The following BLOC1S1 variants were observed in gnomAD, a reference collection of about 807,000 sequenced individuals.
BLOC1S1 encodes biogenesis of lysosomal organelles complex 1 subunit 1.
A neutral mutation model predicts 19.0 loss-of-function variants in BLOC1S1; 11 were observed. That is an observed-to-expected ratio of 0.58 (90% confidence interval 0.37 to 0.96). The LOEUF (loss-of-function observed/expected upper bound fraction) is 0.96, where lower values mean the gene tolerates loss of function less well. BLOC1S1 is among the 40% of genes least tolerant of loss of function. BLOC1S1 has a pLI of 0.01. For missense variants in BLOC1S1, 220 were observed against 195.9 expected (o/e 1.12, Z -0.73); for synonymous variants, 94 against 76.4 (o/e 1.23, Z -1.20).
chr12:55,716,751 C>T, intron 1 of BLOC1S1, 182 bp from the exon 2 acceptor site: 1 of 1,268,540 alleles, frequency 7.9e-7, no homozygotes, highest in Non-Finnish European at 1.0e-6. Context: ...TACCAGTTTC[C>T]TCATCTCTAA....
Position 55,719,023 on chromosome 12 carries a change from G to A in BLOC1S1, c.219-68G>A, listed in dbSNP as rs2136136435. The A allele has an allele frequency of 1.0e-5, 16 of 1,553,626 alleles. 1 individual carries two copies. The South Asian group carries it at 1.8e-4, about 17-fold the overall frequency. The stretch of plus-strand genomic sequence containing the variant: ...TTGGCTGAACTCCCACTGCTGCAAT[G>A]GAATATTAGTCCCGGAGACCACCCC... On this transcript the variant is annotated intron_variant, in intron 2 of 3. Coordinates refer to ENST00000548925, the MANE Select transcript of BLOC1S1 (RefSeq NM_001487.4).
intron 1 of BLOC1S1, 190 bp from the exon 2 acceptor site, chr12:55,716,743 C>T: frequency 1.6e-6 from 2 of 1,267,068 alleles, no homozygotes; most frequent in Admixed American, 4.1e-5. Context: ...TCCCAGGGTA[C>T]CAGTTTCCTC....
chr12:55,716,204 A>G lies in BLOC1S1; in HGVS notation c.145+8A>G. 1.9e-6 allele frequency: 3 copies of G among 1,604,444 alleles called. No individual in the cohort carries two copies. The highest frequency in any genetic ancestry group is 1.1e-5 in the South Asian group (1 of 89,734). ...AACGCAAGGAGCTGCAGGGTGAGCC[A>G]AATATCCTGTCGGCCGTTTTCTCTT... On this transcript the variant is annotated splice_region_variant and intron_variant, in intron 1 of 3. Transcript: ENST00000548925.
Position 55,716,077 on chromosome 12 carries a change from G to A in BLOC1S1, c.26G>A (p.Arg9His), listed in dbSNP as rs535924264. The A allele has an allele frequency of 5.2e-5, 82 of 1,574,668 alleles. No individual in the cohort carries two copies. The highest frequency in any genetic ancestry group is 7.5e-5 in the Admixed American group (4 of 53,664). Residue 9 changes from arginine to histidine, a missense_variant, in exon 1 of 4, where the codon CGT becomes CAT. Physicochemically the swap from Arg to His is conservative, Grantham distance 29 (BLOSUM62 0). Transcript: ENST00000548925. MAPGSRGE[R>H]SSFRSRRGPG... ...ATGGCCCCGGGGAGCCGAGGTGAGC[G>A]TTCCAGCTTCCGGAGCCGGAGGGGG...
chr12:55,718,000 TC>T (rs145322257), intron 2 of BLOC1S1, among the ~76,000 whole-genome samples: 2,201 of 152,294 alleles, frequency 0.014, 30 homozygotes, highest in Non-Finnish European at 0.023. Context: ...CATTGGCACC[TC>T]CTGGGCTCTG....
intron 2 of BLOC1S1, 129 bp downstream of exon 2, chr12:55,717,134 C>T (rs760178913): frequency 3.0e-6 from 2 of 657,048 alleles, no homozygotes; most frequent in Non-Finnish European, 4.9e-6. Context: ...TCCTACCCCG[C>T]CCCTCCCAGC....
chr12:55,719,480 C>G lies in BLOC1S1; in HGVS notation c.352-19C>G. ...CCCATTCTGATTCCTGGGCTCCCAC[C>G]TCCTCTCCCCCTTCCCAGGAAATTG... On this transcript the variant is annotated intron_variant, in intron 3 of 3. Coordinates refer to ENST00000548925, the MANE Select transcript of BLOC1S1 (RefSeq NM_001487.4). The G allele has an allele frequency of 1.2e-6, 2 of 1,610,014 alleles. No individual in the cohort carries two copies. Among genetic ancestry groups the G allele is most frequent in the Non-Finnish European group, 1.7e-6 (2 of 1,176,232 alleles).
Position 55,716,194 on chromosome 12 carries a change from A to G in BLOC1S1, c.143A>G (p.Gln48Arg), listed in dbSNP as rs1284154008. ...AAGCAGAATGAACGCAAGGAGCTGC[A>G]GGGTGAGCCAAATATCCTGTCGGCC... ...QAKQNERKELQEKRRREAITA... is the reference protein window; with the variant it reads ...QAKQNERKELREKRRREAITA... The change falls in exon 1 of 4, where the codon CAG becomes CGG. Residue 48 changes from glutamine (Q) to arginine (R), a missense_variant and splice_region_variant. Gln to Arg is a conservative substitution (Grantham distance 43, BLOSUM62 1). Transcript: ENST00000548925. The G allele has an allele frequency of 5.0e-6, 8 of 1,608,206 alleles. No homozygotes were observed.
chr12:55,719,033 T>A, intron 2 of BLOC1S1, 58 bp from the exon 3 acceptor site: 2 of 1,582,250 alleles, frequency 1.3e-6, no homozygotes. Context: ...GGAATATTAG[T>A]CCCGGAGACC....
chr12:55,716,754 A>G, intron 1 of BLOC1S1, 179 bp from the exon 2 acceptor site: 1 of 1,261,654 alleles, frequency 7.9e-7, no homozygotes, highest in Non-Finnish European at 1.0e-6. Context: ...CAGTTTCCTC[A>G]TCTCTAAAAT....
intron 2 of BLOC1S1, 32 bp downstream of exon 2, chr12:55,717,037 C>T (rs979001773): frequency 6.5e-7 from 1 of 1,542,130 alleles, no homozygotes; most frequent in South Asian, 1.2e-5. Flanking sequence ...CAGTTTCCTC[C>T]TTCCCCACCC....
chr12:55,719,654 G>C lies in BLOC1S1; in HGVS notation c.*45G>C, dbSNP rs772678359. On this transcript the variant is annotated 3_prime_UTR_variant, in exon 4 of 4. Coordinates refer to ENST00000548925, the MANE Select transcript of BLOC1S1 (RefSeq NM_001487.4). ...CCCTATCCCTCCTACCTCACCCGCA[G>C]GGGGAAGGAGGGAGGCTGACAAGCC... is the stretch of plus-strand genomic sequence containing the variant. The C allele has an allele frequency of 1.3e-6, 2 of 1,511,794 alleles. No homozygotes were observed. The highest frequency in any genetic ancestry group is 2.3e-5 in the East Asian group (1 of 44,124). 93.6% of individuals were successfully genotyped at this position (1,511,794 alleles called of 1,614,324 possible). A position where few individuals can be genotyped will look rare whatever the true frequency, so the allele number is the denominator to read the frequency against.
At chr12:55,718,825 A>T (rs1876763570) in intron 2 of BLOC1S1, among the ~76,000 whole-genome samples, 1 of 150,366 alleles carries the variant, frequency 6.7e-6, no homozygotes. Flanking sequence ...CCCTTCCCCC[A>T]CTCAGCTGCA....
chr12:55,719,156 C>A lies in BLOC1S1; in HGVS notation c.284C>A (p.Ala95Asp), dbSNP rs1876785074. The A allele has an allele frequency of 1.9e-6, 3 of 1,613,896 alleles. No homozygotes were observed. Among genetic ancestry groups the A allele is most frequent in the Non-Finnish European group, 2.5e-6 (3 of 1,180,008 alleles). Residue 95 changes from alanine (A) to aspartate (D), a missense_variant, in exon 3 of 4, where the codon GCT becomes GAT. Physicochemically the swap from Ala to Asp is moderately radical, Grantham distance 126 (BLOSUM62 -2). Coordinates refer to ENST00000548925, the MANE Select transcript of BLOC1S1 (RefSeq NM_001487.4). ...DHEVKTLQVQ[A>D]AQFAKQTGQW... ...GAGGTGAAGACCCTACAGGTCCAGGCTGCCCAATTTGCCAAGCAGACAGGC... is the reference window on the plus strand; with the variant it reads ...GAGGTGAAGACCCTACAGGTCCAGGATGCCCAATTTGCCAAGCAGACAGGC...
At chr12:55,716,883 C>T (rs1565652151) in intron 1 of BLOC1S1, 50 bp from the exon 2 acceptor site, 2 of 1,530,654 alleles carry the variant, frequency 1.3e-6, no homozygotes, top group Non-Finnish European at 1.8e-6. Context: ...TTAACACTAC[C>T]CCTCAAAAAA....
Position 55,719,079 on chromosome 12 carries a change from C to T in BLOC1S1, c.219-12C>T, listed in dbSNP as rs774380318. On this transcript the variant is annotated splice_polypyrimidine_tract_variant and intron_variant, in intron 2 of 3. Coordinates refer to ENST00000548925, the MANE Select transcript of BLOC1S1 (RefSeq NM_001487.4). ...AGCTGGAGCTGATCTCCTCCCTCCTCCAACCCCCCAGTGTGGCCCAGGCCT... is the reference window on the plus strand; with the variant it reads ...AGCTGGAGCTGATCTCCTCCCTCCTTCAACCCCCCAGTGTGGCCCAGGCCT... The T allele has an allele frequency of 3.1e-6, 5 of 1,612,822 alleles. No homozygotes were observed. Among genetic ancestry groups the T allele is most frequent in the East Asian group, 2.2e-5 (1 of 44,832 alleles).
At position 55,716,177 on chromosome 12, in the gene BLOC1S1, T is replaced by C; in HGVS notation, c.126T>C (p.Asn42=). Residue 42 remains asparagine, a synonymous_variant, in exon 1 of 4, where the codon AAT becomes AAC. Coordinates refer to ENST00000548925, the MANE Select transcript of BLOC1S1 (RefSeq NM_001487.4). ...TAAAAGAACACCAGGCCAAGCAGAA[T>C]GAACGCAAGGAGCTGCAGGGTGAGC... ...RLLKEHQAKQ[N]ERKELQEKRR... is the part of the protein sequence containing the mutation. 2.5e-6 allele frequency: 4 copies of C among 1,611,640 alleles called. No homozygotes were observed. The highest frequency in any genetic ancestry group is 3.4e-6 in the Non-Finnish European group (4 of 1,178,868).
intron 2 of BLOC1S1, among the ~76,000 whole-genome samples, chr12:55,717,264 C>G (rs571181700): frequency 6.6e-6 from 1 of 152,324 alleles, no homozygotes; most frequent in African/African-American, 2.4e-5. Context: ...CTGGCATTTA[C>G]AACTTGATGC....
At chr12:55,719,274 G>T in intron 3 of BLOC1S1, 51 bp downstream of exon 3, 1 of 1,613,824 alleles carries the variant, frequency 6.2e-7, no homozygotes, top group Non-Finnish European at 8.5e-7. Flanking sequence ...CCCATTGGCT[G>T]CCTCCAGTCA....
Sources: allele counts gnomAD v4.1 joint callset (sites outside exome capture counted in the v4.1 genomes callset), GRCh38; gene constraint gnomAD v4.1.1; transcripts MANE v1.5; gene names NCBI Gene and HGNC (gene_info 2026-07-23, HGNC 2026-07-21).